Variants in GALNT14 observed in about 807,000 individuals in gnomAD.
GALNT14 encodes UDP-GalNAc:polypeptide N-acetylgalactosaminyltransferase 14.
A neutral mutation model predicts 77.5 loss-of-function variants in GALNT14; 60 were observed. That is an observed-to-expected ratio of 0.77 (90% CI 0.63 to 0.96). GALNT14 has a LOEUF of 0.96. GALNT14 is among the 40% of genes least tolerant of loss of function. The pLI, the probability that GALNT14 is intolerant of heterozygous loss-of-function variation, is 0.00. For missense variants in GALNT14, 710 were observed against 731.0 expected, an observed-to-expected ratio of 0.97 and a Z score of 0.33; for synonymous variants, 280 against 281.7, an observed-to-expected ratio of 0.99 and a Z score of 0.06.
At chr2:30,976,768 T>C (rs1220376330) in intron 2 of GALNT14, among the ~76,000 whole-genome samples, 1 of 152,186 alleles carries the variant, frequency 6.6e-6, no homozygotes, top group Admixed American at 6.5e-5. Context: ...CCAGAGCTCC[T>C]TCATGTCTTA....
At chr2:31,060,661 G>T (rs998437026) in intron 1 of GALNT14, among the ~76,000 whole-genome samples, 18 of 152,336 alleles carry the variant, frequency 1.2e-4, no homozygotes, top group African/African-American at 4.3e-4. Flanking sequence ...GACACCAGGG[G>T]CCCAGCCATG....
chr2:30,954,131 T>C (rs1285661667), intron 6 of GALNT14, among the ~76,000 whole-genome samples: 1 of 151,034 alleles, frequency 6.6e-6, no homozygotes, highest in Non-Finnish European at 1.5e-5. Flanking sequence ...AGCAAGCGGG[T>C]TTGTGGAGAG....
At chr2:31,114,600 A>G (rs1678007710) in intron 1 of GALNT14, 1 of 614,354 alleles carries the variant, frequency 1.6e-6, no homozygotes, top group East Asian at 2.7e-5. Flanking sequence ...GCAAAAATAC[A>G]AAGAAATAAA....
chr2:30,891,121 A>G, the GALNT14 span, among the ~76,000 whole-genome samples: 1 of 152,178 alleles, frequency 6.6e-6, no homozygotes, highest in African/African-American at 2.4e-5. Context: ...ATGGGCTACA[A>G]TATTAGAACC....
At chr2:31,035,611 ACACACCTACACACACAC>A (rs1672685134) in intron 1 of GALNT14, among the ~76,000 whole-genome samples, 1 of 40,590 alleles carries the variant, frequency 2.5e-5, no homozygotes, top group Non-Finnish European at 4.5e-5. Context: ...ACACACACAC[ACACACCTACACACACAC>A]ACACACACAC....
At chr2:30,980,217 G>A (rs1668901269) in intron 2 of GALNT14, among the ~76,000 whole-genome samples, 1 of 152,210 alleles carries the variant, frequency 6.6e-6, no homozygotes, top group Non-Finnish European at 1.5e-5. Flanking sequence ...TGCAGAGCCT[G>A]GACCTCTCTA....
intron 1 of GALNT14, among the ~76,000 whole-genome samples, chr2:31,133,470 ATGG>A (rs1679082888): frequency 6.6e-6 from 1 of 152,220 alleles, no homozygotes; most frequent in South Asian, 2.1e-4. Flanking sequence ...CTATTTTCTA[ATGG>A]TGTTTGTTGT....
chr2:31,046,927 G>C (rs888104303), intron 1 of GALNT14, among the ~76,000 whole-genome samples: 22 of 152,238 alleles, frequency 1.4e-4, no homozygotes, highest in Admixed American at 1.3e-3. Context: ...CTACAAGCGA[G>C]GCAACACAGA....
At chr2:31,068,443 C>T (rs781512868) in intron 1 of GALNT14, among the ~76,000 whole-genome samples, 12 of 149,646 alleles carry the variant, frequency 8.0e-5, no homozygotes, top group African/African-American at 2.0e-4. Flanking sequence ...GCCCAGATTG[C>T]GCCACTGCAC....
At chr2:30,968,634 A>G (rs1668153947) in intron 2 of GALNT14, among the ~76,000 whole-genome samples, 1 of 152,244 alleles carries the variant, frequency 6.6e-6, no homozygotes, top group Non-Finnish European at 1.5e-5. Context: ...TCAAGCCTTC[A>G]GATGACAGTG....
At chr2:30,962,684 C>T (rs1290831828) in intron 3 of GALNT14, among the ~76,000 whole-genome samples, 2 of 152,206 alleles carry the variant, frequency 1.3e-5, no homozygotes, top group African/African-American at 4.8e-5. Context: ...CTCTGAGTTC[C>T]CCACGTGAGC....
At chr2:31,088,924 A>T (rs1172324129) in intron 1 of GALNT14, among the ~76,000 whole-genome samples, 1 of 152,186 alleles carries the variant, frequency 6.6e-6, no homozygotes. Flanking sequence ...CATTCTAGCA[A>T]GAGGGGAAAC....
intron 1 of GALNT14, among the ~76,000 whole-genome samples, chr2:31,127,335 A>G (rs1678751474): frequency 6.6e-6 from 1 of 152,250 alleles, no homozygotes; most frequent in African/African-American, 2.4e-5. Context: ...CCTACAAACT[A>G]AGAAAGGATT....
intron 2 of GALNT14, among the ~76,000 whole-genome samples, chr2:30,970,961 G>A (rs900274004): frequency 1.3e-5 from 2 of 152,138 alleles, no homozygotes; most frequent in African/African-American, 2.4e-5. Context: ...ACTGGGGTGA[G>A]GGAAATCCAC....
intron 1 of GALNT14, among the ~76,000 whole-genome samples, chr2:31,071,531 G>A (rs1284291345): frequency 1.3e-5 from 2 of 152,142 alleles, no homozygotes; most frequent in African/African-American, 4.8e-5. Flanking sequence ...AGACAGACAG[G>A]CAGGGCTCCA....
At chr2:31,074,215 G>A (rs1417018975) in intron 1 of GALNT14, among the ~76,000 whole-genome samples, 1 of 152,118 alleles carries the variant, frequency 6.6e-6, no homozygotes, top group Non-Finnish European at 1.5e-5. Flanking sequence ...AAAGCACACG[G>A]CCTGCAGAGT....
chr2:31,017,442 A>T (rs1671443221), intron 1 of GALNT14, among the ~76,000 whole-genome samples: 1 of 152,242 alleles, frequency 6.6e-6, no homozygotes, highest in African/African-American at 2.4e-5. Context: ...CCATTTTTAT[A>T]AATATTTAAA....
intron 1 of GALNT14, among the ~76,000 whole-genome samples, chr2:31,032,607 G>GCA (rs1292937301): frequency 6.6e-6 from 1 of 152,132 alleles, no homozygotes; most frequent in Non-Finnish European, 1.5e-5. Flanking sequence ...GTGACCAAGT[G>GCA]CACAACTTGA....
intron 1 of GALNT14, among the ~76,000 whole-genome samples, chr2:31,069,126 G>C (rs1421659558): frequency 2.0e-5 from 3 of 152,176 alleles, no homozygotes; most frequent in Non-Finnish European, 4.4e-5. Flanking sequence ...ATCTTTACTT[G>C]TCATATGGGT....
Sources: allele counts gnomAD v4.1 joint callset (sites outside exome capture counted in the v4.1 genomes callset), GRCh38; gene constraint gnomAD v4.1.1; transcripts MANE v1.5; gene names NCBI Gene and HGNC (gene_info 2026-07-23, HGNC 2026-07-21).